The following KCNN2 variants were observed in gnomAD, a reference collection of about 807,000 sequenced individuals.
The protein encoded by KCNN2 is small conductance calcium-activated potassium channel protein 2.
Under a neutral mutation model 55.5 loss-of-function variants are expected in KCNN2, and 24 were observed. The ratio of observed to expected loss-of-function variants is 0.43; its 90% CI spans 0.31 to 0.61. KCNN2 has a LOEUF of 0.61. Ranked by LOEUF, KCNN2 falls within the 20% of genes least tolerant of loss-of-function variation. KCNN2 has a pLI of 0.08. For synonymous variants in KCNN2, 431 were observed against 336.1 expected (o/e 1.28, Z -3.09); for missense variants, 754 against 853.6 (o/e 0.88, Z 1.45).
intron 1 of KCNN2, among the ~76,000 whole-genome samples, chr5:114,160,450 T>G (rs1208521389): frequency 1.3e-5 from 2 of 152,152 alleles, no homozygotes; most frequent in Non-Finnish European, 2.9e-5. Flanking sequence ...GGAATAGGTG[T>G]GGTCTGGTGC....
intron 2 of KCNN2, among the ~76,000 whole-genome samples, chr5:114,292,574 A>G (rs188787461): frequency 9.2e-5 from 14 of 152,332 alleles, no homozygotes; most frequent in Non-Finnish European, 1.9e-4. Context: ...TACCAGTACC[A>G]TGCTATTTTG....
upstream of KCNN2, among the ~76,000 whole-genome samples, chr5:114,358,550 C>G (rs554461823): frequency 3.9e-5 from 6 of 152,266 alleles, no homozygotes; most frequent in African/African-American, 1.4e-4. Context: ...TGGTGTTAAT[C>G]TAGGGAAATT....
intron 2 of KCNN2, among the ~76,000 whole-genome samples, chr5:114,284,442 G>A (rs993247404): frequency 3.9e-5 from 6 of 152,178 alleles, no homozygotes; most frequent in Non-Finnish European, 7.4e-5. Context: ...TTCATCTTAT[G>A]TCTGTAATTT....
intron 2 of KCNN2, among the ~76,000 whole-genome samples, chr5:114,394,947 A>C (rs1376260271): frequency 2.0e-5 from 3 of 152,158 alleles, no homozygotes; most frequent in Non-Finnish European, 4.4e-5. Context: ...TTTCCTGGCT[A>C]TTCTACTTAC....
chr5:114,105,682 G>T (rs1197887814), intron 1 of KCNN2, among the ~76,000 whole-genome samples: 2 of 151,876 alleles, frequency 1.3e-5, no homozygotes, highest in African/African-American at 4.8e-5. Context: ...GTTGCTAATG[G>T]ATTATCATAT....
At chr5:114,164,496 G>C (rs74605886) in intron 1 of KCNN2, among the ~76,000 whole-genome samples, 12 of 151,912 alleles carry the variant, frequency 7.9e-5, no homozygotes, top group Non-Finnish European at 1.6e-4. Flanking sequence ...AACTAATTTT[G>C]GACAGCCTGT....
chr5:114,491,528 A>C (rs1359721594), intron 6 of KCNN2, among the ~76,000 whole-genome samples: 2 of 150,628 alleles, frequency 1.3e-5, no homozygotes, highest in African/African-American at 4.9e-5. Context: ...TTTTTTTTAA[A>C]AAAAGAAAAA....
rs115229822 is a variant in KCNN2 at position 114,276,976 on chromosome 5, G to A, written c.-185+55411G>A. The stretch of plus-strand genomic sequence containing the variant: ...TTGGCATGTTTTTGCAGTGGCTACC[G>A]GTTGTTCCTTTCCATGTTTAGTGCT... On this transcript the variant is annotated intron_variant, in intron 2 of 10. Transcript: ENST00000512097. 1.7e-3 allele frequency among the ~76,000 whole-genome samples: 264 copies of A among 152,092 alleles called. 3 individuals carry two copies. The highest frequency in any genetic ancestry group is 5.9e-3 in the African/African-American group (245 of 41,512).
intron 3 of KCNN2, among the ~76,000 whole-genome samples, chr5:114,436,036 C>G (rs956840763): frequency 1.3e-5 from 2 of 152,092 alleles, no homozygotes; most frequent in African/African-American, 2.4e-5. Flanking sequence ...ACTTGTTTGT[C>G]GTAATCTTTT....
chr5:114,436,319 A>G (rs757170676), intron 3 of KCNN2, among the ~76,000 whole-genome samples: 2 of 152,246 alleles, frequency 1.3e-5, no homozygotes, highest in Non-Finnish European at 2.9e-5. Context: ...TTTCCTATCA[A>G]CTATGAGATA....
At chr5:114,150,981 AT>A (rs1752509656) in intron 1 of KCNN2, among the ~76,000 whole-genome samples, 1 of 152,186 alleles carries the variant, frequency 6.6e-6, no homozygotes, top group Non-Finnish European at 1.5e-5. Flanking sequence ...AGATGGCGCC[AT>A]TGCACTCCAG....
intron 2 of KCNN2, among the ~76,000 whole-genome samples, chr5:114,284,403 C>T (rs754049654): frequency 1.3e-5 from 2 of 152,160 alleles, no homozygotes; most frequent in Non-Finnish European, 2.9e-5. Context: ...GGTTATGCAA[C>T]TTGCTATTCT....
intron 2 of KCNN2, among the ~76,000 whole-genome samples, chr5:114,238,788 T>C (rs535220116): frequency 6.6e-6 from 1 of 152,298 alleles, no homozygotes; most frequent in Non-Finnish European, 1.5e-5. Flanking sequence ...GTCTATCTCT[T>C]TTAACATAGA....
At chr5:114,122,312 A>T (rs1392712011) in intron 1 of KCNN2, among the ~76,000 whole-genome samples, 1 of 152,180 alleles carries the variant, frequency 6.6e-6, no homozygotes, top group Non-Finnish European at 1.5e-5. Flanking sequence ...AGAGCCAGGA[A>T]TTAGGCATAT....
At chr5:114,068,938 T>C (rs1005209595) in intron 1 of KCNN2, among the ~76,000 whole-genome samples, 4 of 152,098 alleles carry the variant, frequency 2.6e-5, no homozygotes, top group Non-Finnish European at 4.4e-5. Flanking sequence ...TTCAGCCTTC[T>C]GAGTAGCTGG....
chr5:114,231,894 T>C (rs770597037), intron 2 of KCNN2, among the ~76,000 whole-genome samples: 2 of 150,938 alleles, frequency 1.3e-5, no homozygotes, highest in Admixed American at 6.6e-5. Flanking sequence ...CATTAGGCTG[T>C]TACAGGTAGA....
chr5:114,123,134 C>T (rs891966345), intron 1 of KCNN2, among the ~76,000 whole-genome samples: 13 of 152,076 alleles, frequency 8.5e-5, no homozygotes, highest in African/African-American at 2.9e-4. Flanking sequence ...ACCACTCTTA[C>T]TGAGGCAGTG....
chr5:114,427,426 AG>A (rs1367205078), intron 3 of KCNN2, among the ~76,000 whole-genome samples: 1 of 152,204 alleles, frequency 6.6e-6, no homozygotes, highest in Non-Finnish European at 1.5e-5. Context: ...GTGGAGCTAA[AG>A]GGTGATAGAT....
At chr5:114,447,621 C>T (rs1760470320) in intron 3 of KCNN2, among the ~76,000 whole-genome samples, 1 of 152,198 alleles carries the variant, frequency 6.6e-6, no homozygotes, top group Admixed American at 6.5e-5. Context: ...AGGCTATTCT[C>T]TCTCCAAGCT....
Sources: allele counts gnomAD v4.1 joint callset (sites outside exome capture counted in the v4.1 genomes callset), GRCh38; gene constraint gnomAD v4.1.1; transcripts MANE v1.5; gene names NCBI Gene and HGNC (gene_info 2026-07-23, HGNC 2026-07-21).